The following RAB10 variants were observed in gnomAD, a reference collection of about 807,000 sequenced individuals.
RAB10 encodes ras-related protein Rab-10.
A neutral mutation model predicts 25.7 loss-of-function variants in RAB10; 5 were observed. The observed-to-expected ratio is 0.19, with a 90% CI of 0.10 to 0.41. The LOEUF is 0.41. RAB10 is among the 10% of genes least tolerant of loss of function. The probability of loss-of-function intolerance (pLI) is 1.00; values close to 1 mark genes in which losing one functional copy is unlikely to be tolerated. For synonymous variants in RAB10, 89 were observed against 86.4 expected, an observed-to-expected ratio of 1.03 and a Z score of -0.16; for missense variants, 103 against 245.8, an observed-to-expected ratio of 0.42 and a Z score of 3.89.
At chr2:26,088,094 A>G (rs1489968661) in intron 1 of RAB10, among the ~76,000 whole-genome samples, 1 of 152,212 alleles carries the variant, frequency 6.6e-6, no homozygotes, top group Non-Finnish European at 1.5e-5. Flanking sequence ...ACTTGTTAAA[A>G]ACCCCAGAAA....
At chr2:26,086,282 G>A (rs903206340) in intron 1 of RAB10, among the ~76,000 whole-genome samples, 3 of 152,156 alleles carry the variant, frequency 2.0e-5, no homozygotes, top group Admixed American at 6.5e-5. Context: ...GCGAAACTCT[G>A]TCTCATAAAA....
chr2:26,038,660 C>T (rs1203104845), intron 1 of RAB10, among the ~76,000 whole-genome samples: 1 of 151,818 alleles, frequency 6.6e-6, no homozygotes, highest in African/African-American at 2.4e-5. Flanking sequence ...CGATGGCTCA[C>T]GCCTATAATC....
At chr2:26,052,258 C>T (rs1486124422) in intron 1 of RAB10, among the ~76,000 whole-genome samples, 2 of 151,594 alleles carry the variant, frequency 1.3e-5, no homozygotes, top group African/African-American at 2.4e-5. Flanking sequence ...TGGTGGTTCA[C>T]GCCTGTAGTC....
chr2:26,116,937 C>G (rs562614298), intron 3 of RAB10, among the ~76,000 whole-genome samples: 3 of 151,304 alleles, frequency 2.0e-5, no homozygotes, highest in African/African-American at 7.3e-5. Flanking sequence ...CCTGAGTTAG[C>G]TGGACTTCAG....
chr2:26,076,070 G>C (rs1161751489), intron 1 of RAB10, among the ~76,000 whole-genome samples: 1 of 152,138 alleles, frequency 6.6e-6, no homozygotes, highest in Non-Finnish European at 1.5e-5. Context: ...AGCTAGAGTA[G>C]TATCCAGAAG....
chr2:26,064,741 C>T (rs544627192), intron 1 of RAB10, among the ~76,000 whole-genome samples: 1 of 152,200 alleles, frequency 6.6e-6, no homozygotes, highest in Non-Finnish European at 1.5e-5. Flanking sequence ...CACCCTCTTT[C>T]TCTTTCAAGA....
intron 2 of RAB10, 47 bp from the exon 3 acceptor site, chr2:26,109,721 T>C: frequency 6.8e-7 from 1 of 1,481,074 alleles, no homozygotes; most frequent in South Asian, 1.5e-5. Flanking sequence ...ATGTGAAATG[T>C]AGTAATATCA....
At chr2:26,037,500 G>A (rs534795373) in intron 1 of RAB10, among the ~76,000 whole-genome samples, 2 of 152,184 alleles carry the variant, frequency 1.3e-5, no homozygotes, top group East Asian at 1.9e-4. Context: ...TTATCTGGGC[G>A]TGGTGGCGCA....
intron 1 of RAB10, among the ~76,000 whole-genome samples, chr2:26,075,451 G>C (rs1666712285): frequency 6.6e-6 from 1 of 151,992 alleles, no homozygotes; most frequent in Non-Finnish European, 1.5e-5. Context: ...GAGGGGTCTT[G>C]AATGGATAAG....
intron 5 of RAB10, among the ~76,000 whole-genome samples, chr2:26,134,673 A>G (rs1166338132): frequency 6.6e-6 from 1 of 152,236 alleles, no homozygotes; most frequent in Non-Finnish European, 1.5e-5. Flanking sequence ...AAATCTATTT[A>G]AGAGTTAGAG....
intron 3 of RAB10, among the ~76,000 whole-genome samples, chr2:26,123,538 A>G (rs1574562764): frequency 6.6e-6 from 1 of 152,368 alleles, no homozygotes; most frequent in East Asian, 1.9e-4. Flanking sequence ...AGAGCCAGTC[A>G]AGGAATTTAT....
At chr2:26,133,612 T>G (rs1410673866) in intron 5 of RAB10, among the ~76,000 whole-genome samples, 5 of 152,216 alleles carry the variant, frequency 3.3e-5, no homozygotes, top group Non-Finnish European at 7.3e-5. Context: ...AAAAATATTT[T>G]TAATATATAA....
chr2:26,072,641 C>T (rs1214244427), intron 1 of RAB10, among the ~76,000 whole-genome samples: 1 of 152,128 alleles, frequency 6.6e-6, no homozygotes, highest in Non-Finnish European at 1.5e-5. Flanking sequence ...CCTCCCTTTT[C>T]TAGCAACATA....
chr2:26,075,522 A>G (rs1666714539), intron 1 of RAB10, among the ~76,000 whole-genome samples: 1 of 152,150 alleles, frequency 6.6e-6, no homozygotes, highest in Non-Finnish European at 1.5e-5. Flanking sequence ...GCTCAAGAAC[A>G]GTTTGCTTGA....
intron 3 of RAB10, among the ~76,000 whole-genome samples, chr2:26,126,693 T>A (rs1183313377): frequency 6.6e-6 from 1 of 152,212 alleles, no homozygotes; most frequent in Non-Finnish European, 1.5e-5. Flanking sequence ...GGACAACCAC[T>A]TGTTTTTAAC....
intron 1 of RAB10, among the ~76,000 whole-genome samples, chr2:26,044,362 T>C (rs1437253294): frequency 6.6e-6 from 1 of 152,206 alleles, no homozygotes; most frequent in Non-Finnish European, 1.5e-5. Flanking sequence ...CACTGGTCTG[T>C]ACTTTCAGTT....
intron 1 of RAB10, among the ~76,000 whole-genome samples, chr2:26,049,359 G>C (rs1666083801): frequency 6.6e-6 from 1 of 151,160 alleles, no homozygotes; most frequent in Non-Finnish European, 1.5e-5. Context: ...TGGACTTAGT[G>C]GTTGACTCTT....
At chr2:26,099,270 C>A (rs954114925) in intron 2 of RAB10, among the ~76,000 whole-genome samples, 3 of 152,024 alleles carry the variant, frequency 2.0e-5, no homozygotes, top group African/African-American at 4.8e-5. Context: ...AAATCTGTTA[C>A]TCCTTTTGAG....
chr2:26,064,588 GC>G (rs1378989249), intron 1 of RAB10, among the ~76,000 whole-genome samples: 1 of 152,076 alleles, frequency 6.6e-6, no homozygotes, highest in East Asian at 1.9e-4. Context: ...CAAGTGAACT[GC>G]CTGCTTTGGC....
Sources: allele counts gnomAD v4.1 joint callset (sites outside exome capture counted in the v4.1 genomes callset), GRCh38; gene constraint gnomAD v4.1.1; transcripts MANE v1.5; gene names NCBI Gene and HGNC (gene_info 2026-07-23, HGNC 2026-07-21).